Variants in PRR5L observed in about 807,000 individuals in gnomAD.
The protein encoded by PRR5L is proline rich 5 like, also known as proline-rich protein 5-like.
In PRR5L, 21 loss-of-function variants were observed where a neutral mutation model predicts 36.4. That is an observed-to-expected ratio of 0.58 (90% CI 0.41 to 0.83). The LOEUF (loss-of-function observed/expected upper bound fraction) is 0.83. Ranked by LOEUF, PRR5L falls within the 40% of genes least tolerant of loss-of-function variation. The probability of loss-of-function intolerance (pLI) is 0.00; values close to 1 mark genes in which losing one functional copy is unlikely to be tolerated. For synonymous variants in PRR5L, 188 were observed against 197.0 expected (o/e 0.95, Z 0.38); for missense variants, 381 against 473.3 (o/e 0.80, Z 1.81).
intron 1 of PRR5L, among the ~76,000 whole-genome samples, chr11:36,384,256 T>G (rs962229986): frequency 6.6e-6 from 1 of 152,228 alleles, no homozygotes; most frequent in African/African-American, 2.4e-5. Context: ...AGTTTTCAGT[T>G]GACCTTTCAT....
At chr11:36,461,615 C>G (rs1047046129) in intron 8 of PRR5L, among the ~76,000 whole-genome samples, 6 of 41,100 alleles carry the variant, frequency 1.5e-4, no homozygotes, top group South Asian at 1.5e-3. Flanking sequence ...AAGAGCAAAA[C>G]TGTCTCAAAA....
At chr11:36,456,529 G>A (rs1024342172) in intron 8 of PRR5L, among the ~76,000 whole-genome samples, 13 of 152,208 alleles carry the variant, frequency 8.5e-5, no homozygotes, top group Non-Finnish European at 2.9e-5. Flanking sequence ...GGGTGCTGTC[G>A]TCTCTATCTC....
chr11:36,379,420 T>C (rs1857332388), intron 1 of PRR5L: 2 of 152,238 alleles, frequency 1.3e-5, no homozygotes, highest in African/African-American at 4.8e-5. Flanking sequence ...AAACAGTGTG[T>C]GAGTTCCTCT....
chr11:36,319,562 T>C (rs1856592342), intron 1 of PRR5L, among the ~76,000 whole-genome samples: 1 of 152,130 alleles, frequency 6.6e-6, no homozygotes, highest in Non-Finnish European at 1.5e-5. Flanking sequence ...GGGTGATACA[T>C]AAACCAATGG....
intron 1 of PRR5L, among the ~76,000 whole-genome samples, chr11:36,370,417 T>C (rs1857185691): frequency 6.6e-6 from 1 of 152,214 alleles, no homozygotes; most frequent in African/African-American, 2.4e-5. Context: ...ATCTCCTTTA[T>C]GCATTTGTTT....
At chr11:36,351,226 ATT>A (rs1158668607) in intron 1 of PRR5L, among the ~76,000 whole-genome samples, 25 of 84,736 alleles carry the variant, frequency 3.0e-4, no homozygotes, top group Non-Finnish European at 4.7e-4. Context: ...AAATATATAT[ATT>A]TATATATATT....
chr11:36,370,584 T>G (rs1857187409), intron 1 of PRR5L, among the ~76,000 whole-genome samples: 1 of 152,180 alleles, frequency 6.6e-6, no homozygotes, highest in African/African-American at 2.4e-5. Flanking sequence ...CTGAAATCCT[T>G]GAAAGTTATC....
chr11:36,312,808 T>G (rs759956900), intron 1 of PRR5L, among the ~76,000 whole-genome samples: 4 of 152,278 alleles, frequency 2.6e-5, no homozygotes, highest in Non-Finnish European at 4.4e-5. Context: ...TTTATGAGTT[T>G]GAGTCATCTT....
Position 36,419,353 on chromosome 11 carries a change from T to C in PRR5L, c.294+50T>C, listed in dbSNP as rs201033280. On this transcript the variant is annotated intron_variant, in intron 4 of 8. Coordinates refer to ENST00000530639, the MANE Select transcript of PRR5L (RefSeq NM_001160167.2). ...CATCATTATCATGCATGTGGGGGCA[T>C]GGACCTAAAAGGGGTGGCCAATACT... 142 of 1,540,794 alleles carry C rather than the reference T, an allele frequency of 9.2e-5. No homozygotes were observed. The African/African-American group carries it at 1.7e-3, about 18-fold the overall frequency.
intron 3 of PRR5L, among the ~76,000 whole-genome samples, chr11:36,412,463 C>A (rs1194556302): frequency 1.2e-4 from 19 of 152,082 alleles, no homozygotes; most frequent in Admixed American, 1.2e-3. Context: ...GTTGACAGGG[C>A]AGCAACCCTA....
At position 36,403,382 on chromosome 11, in the gene PRR5L, T is replaced by C. The variant is rs1375615034; in HGVS notation, c.245+4T>C. ...ATGCCCTGAACGAAAACATCAGGTA[T>C]GTGGCAGGCCAGACTTGGTGCCATT... is the stretch of plus-strand genomic sequence containing the variant. On this transcript the variant is annotated splice_donor_region_variant and intron_variant, in intron 3 of 8. Transcript: ENST00000530639. The C allele has an allele frequency of 2.5e-6, 4 of 1,613,050 alleles. No individual in the cohort carries two copies. The highest frequency in any genetic ancestry group is 3.3e-5 in the Admixed American group (2 of 59,982).
chr11:36,351,007 T>TTTTA lies in PRR5L; in HGVS notation c.-125-49990_-125-49989insTTTA, dbSNP rs1436109625. ...ATATATTTATATATTTATATATATT[T>TTTTA]ATATAGTTATATATTTATATATTTA... On this transcript the variant is annotated intron_variant, in intron 1 of 8. Transcript: ENST00000530639. Among the ~76,000 whole-genome samples the TTTTA allele has an allele frequency of 6.6e-4, 60 of 91,186 alleles. 3 individuals are homozygous for TTTTA. Among genetic ancestry groups the TTTTA allele is most frequent in the South Asian group, 3.9e-3 (11 of 2,810 alleles). The allele number at this position is 91,186 out of a possible 152,430, so 59.8% of individuals were successfully genotyped here.
At position 36,462,555 on chromosome 11, in the gene PRR5L, A is replaced by G. The variant is rs929586129; in HGVS notation, c.926A>G (p.His309Arg). 2.2e-5 allele frequency: 35 copies of G among 1,612,122 alleles called. No individual in the cohort carries two copies. The highest frequency in any genetic ancestry group is 2.9e-5 in the Non-Finnish European group (34 of 1,179,250). Residue 309 changes from histidine to arginine, a missense_variant, in exon 9 of 9, where the codon CAC becomes CGC. Coordinates refer to ENST00000530639, the MANE Select transcript of PRR5L (RefSeq NM_001160167.2). ...CTGCTGGCCATGGCCACCATGATGC[A>G]CTCGGGCCTGGGGGAGGAGGCCAGC... ...IQLLAMATMM[H>R]SGLGEEASSE...
At chr11:36,314,384 A>G (rs1270878422) in intron 1 of PRR5L, among the ~76,000 whole-genome samples, 1 of 152,196 alleles carries the variant, frequency 6.6e-6, no homozygotes, top group Non-Finnish European at 1.5e-5. Context: ...ACACATCAGT[A>G]AAGTGGACTT....
chr11:36,370,306 A>G (rs1466368565), intron 1 of PRR5L, among the ~76,000 whole-genome samples: 3 of 152,162 alleles, frequency 2.0e-5, no homozygotes, highest in African/African-American at 4.8e-5. Flanking sequence ...GTTATCTTCT[A>G]TGGAAGATCA....
At chr11:36,399,959 G>A (rs1241977722) in intron 1 of PRR5L, among the ~76,000 whole-genome samples, 1 of 152,210 alleles carries the variant, frequency 6.6e-6, no homozygotes, top group Admixed American at 6.5e-5. Context: ...TAACAGCTGA[G>A]GACTTCAGAC....
intron 1 of PRR5L, among the ~76,000 whole-genome samples, chr11:36,347,439 G>A (rs1448193900): frequency 6.6e-6 from 1 of 152,024 alleles, no homozygotes; most frequent in Non-Finnish European, 1.5e-5. Context: ...ATTAATAGAG[G>A]GGACAGTCCC....
intron 8 of PRR5L, among the ~76,000 whole-genome samples, chr11:36,451,599 C>T (rs1055970883): frequency 1.3e-5 from 2 of 152,194 alleles, no homozygotes; most frequent in African/African-American, 2.4e-5. Flanking sequence ...GTCTGATCCA[C>T]ATCTTTGATC....
Position 36,376,438 on chromosome 11 carries a change from C to G in PRR5L, c.-125-24559C>G, listed in dbSNP as rs543947342. 10 of 1,135,640 alleles carry G rather than the reference C, an allele frequency of 8.8e-6. No homozygotes were observed. In the Admixed American group the frequency reaches 1.2e-4, roughly 14 times the overall value. The allele number at this position is 1,135,640 out of a possible 1,614,324, so 70.3% of individuals were successfully genotyped here. On this transcript the variant is annotated intron_variant, in intron 1 of 8. Transcript: ENST00000530639. ...AGCCCGGCTGTGGGAGCTCCGCGGC[C>G]GAAGCGTTTGTTGACTCGCGCTGGA... is the stretch of plus-strand genomic sequence containing the variant.
Sources: gnomAD v4.1 joint callset for allele counts (sites outside exome capture counted in the v4.1 genomes callset) on GRCh38, gnomAD v4.1.1 for gene constraint, MANE v1.5 for transcripts, NCBI Gene and HGNC (gene_info 2026-07-23, HGNC 2026-07-21) for gene names.